Variants in MTUS2 observed in about 807,000 individuals in gnomAD.
MTUS2 encodes the protein microtubule associated scaffold protein 2.
Under a neutral mutation model 114.1 loss-of-function variants are expected in MTUS2, and 40 were observed. That is an observed-to-expected ratio of 0.35 (90% CI 0.27 to 0.46). MTUS2 has a LOEUF of 0.46. Among genes scored for constraint, MTUS2 ranks in the 20% least tolerant of loss-of-function variants. The pLI is 1.00. For synonymous variants in MTUS2, 688 were observed against 672.0 expected, an observed-to-expected ratio of 1.02 and a Z score of -0.37; for missense variants, 1,679 against 1,705.4, an observed-to-expected ratio of 0.98 and a Z score of 0.27.
chr13:29,305,576 A>G (rs111704234), intron 6 of MTUS2, among the ~76,000 whole-genome samples: 135,861 of 152,130 alleles, frequency 0.89, 61,207 homozygotes, highest in East Asian at 0.98. Flanking sequence ...ACCCTCCCAA[A>G]ACTGAACTAG....
chr13:29,039,487 C>T (rs984100253), intron 4 of MTUS2, among the ~76,000 whole-genome samples: 6 of 152,330 alleles, frequency 3.9e-5, no homozygotes, highest in African/African-American at 1.2e-4. Context: ...CGGGGGAGGG[C>T]AGCACCCAGA....
intron 5 of MTUS2, among the ~76,000 whole-genome samples, chr13:29,134,730 T>C (rs1891905552): frequency 6.6e-6 from 1 of 152,202 alleles, no homozygotes; most frequent in South Asian, 2.1e-4. Context: ...CCCGAGTAGC[T>C]GGGATTACAG....
At chr13:29,101,485 G>T (rs1235406378) in intron 5 of MTUS2, among the ~76,000 whole-genome samples, 1 of 152,198 alleles carries the variant, frequency 6.6e-6, no homozygotes, top group African/African-American at 2.4e-5. Context: ...ATCTCCATTA[G>T]CTGAGATGGT....
intron 5 of MTUS2, among the ~76,000 whole-genome samples, chr13:29,202,420 G>A (rs1482052913): frequency 7.2e-5 from 11 of 151,962 alleles, no homozygotes; most frequent in Non-Finnish European, 1.5e-5. Flanking sequence ...CTTTTTTCAA[G>A]GTTCTTAGCT....
intron 5 of MTUS2, among the ~76,000 whole-genome samples, chr13:29,220,170 G>C (rs1222482036): frequency 6.6e-6 from 1 of 151,140 alleles, no homozygotes; most frequent in Non-Finnish European, 1.5e-5. Flanking sequence ...TGACTTTTTT[G>C]TTTTTTTTTA....
At chr13:28,966,724 C>CA (rs10597818) in intron 2 of MTUS2, among the ~76,000 whole-genome samples, 16,535 of 82,224 alleles carry the variant, frequency 0.2, 2,078 homozygotes, top group Middle Eastern at 0.25. Context: ...GACCCTGTCT[C>CA]AAAAAAAAAA....
intron 4 of MTUS2, among the ~76,000 whole-genome samples, chr13:29,036,280 G>A (rs950801990): frequency 8.5e-5 from 13 of 152,124 alleles, no homozygotes; most frequent in Non-Finnish European, 1.6e-4. Context: ...AAGGGAGTGA[G>A]AGTCACCTAA....
intron 6 of MTUS2, among the ~76,000 whole-genome samples, chr13:29,311,764 CAA>C: frequency 6.6e-6 from 1 of 152,268 alleles, no homozygotes; most frequent in Admixed American, 6.5e-5. Context: ...ACTTCAATCA[CAA>C]AGTTTCCCAT....
intron 2 of MTUS2, among the ~76,000 whole-genome samples, chr13:28,945,559 T>A (rs1358316170): frequency 6.6e-6 from 1 of 152,210 alleles, no homozygotes; most frequent in Non-Finnish European, 1.5e-5. Flanking sequence ...GGTTTTAATT[T>A]GCATTTCTGA....
At chr13:29,021,645 T>C (rs1406042829) in intron 2 of MTUS2, among the ~76,000 whole-genome samples, 2 of 152,236 alleles carry the variant, frequency 1.3e-5, no homozygotes, top group African/African-American at 4.8e-5. Flanking sequence ...CCTATATTTA[T>C]GAACTTTCTT....
chr13:29,087,298 G>GT (rs1451992050), intron 4 of MTUS2, among the ~76,000 whole-genome samples: 1 of 152,152 alleles, frequency 6.6e-6, no homozygotes, highest in Non-Finnish European at 1.5e-5. Context: ...TTTGTTAGAG[G>GT]TTTTTAACAT....
intron 8 of MTUS2, among the ~76,000 whole-genome samples, chr13:29,392,608 A>T (rs932601476): frequency 1.3e-5 from 2 of 152,226 alleles, no homozygotes; most frequent in African/African-American, 4.8e-5. Flanking sequence ...GTATATTTAT[A>T]TGAGTTTTAA....
chr13:29,167,217 T>C (rs1893352596), intron 5 of MTUS2, among the ~76,000 whole-genome samples: 1 of 151,914 alleles, frequency 6.6e-6, no homozygotes, highest in South Asian at 2.1e-4. Flanking sequence ...TACTAAAAAA[T>C]ACAAAAAATT....
chr13:29,307,148 C>G (rs1485101071), intron 6 of MTUS2: 1 of 484,748 alleles, frequency 2.1e-6, no homozygotes, highest in East Asian at 4.6e-5. Flanking sequence ...CTTTCTGCCC[C>G]CTCTGCCAAC....
intron 2 of MTUS2, among the ~76,000 whole-genome samples, chr13:28,976,999 T>C (rs1456628771): frequency 1.3e-5 from 2 of 152,080 alleles, no homozygotes; most frequent in Non-Finnish European, 2.9e-5. Context: ...GATATACCCT[T>C]CCCCCCTTTG....
chr13:29,379,265 G>A (rs1352333396), intron 8 of MTUS2, among the ~76,000 whole-genome samples: 1 of 152,200 alleles, frequency 6.6e-6, no homozygotes, highest in Admixed American at 6.5e-5. Context: ...AGCCACAGTG[G>A]GAGAGTGGCA....
rs539089978 is a variant in MTUS2 at position 29,214,339 on chromosome 13, G to A, written c.2645-67365G>A. On this transcript the variant is annotated intron_variant, in intron 5 of 15. Transcript: ENST00000612955. ...TTGCCCCAGTCTCTGTCTTTTAATT[G>A]GGGCATTTAGCCAGTTTACATTTGC... 2.6e-5 allele frequency among the ~76,000 whole-genome samples: 4 copies of A among 152,124 alleles called. No individual in the cohort carries two copies. The East Asian group carries it at 7.7e-4, about 29-fold the overall frequency.
intron 12 of MTUS2, among the ~76,000 whole-genome samples, chr13:29,495,534 C>T (rs1882494460): frequency 6.6e-6 from 1 of 152,038 alleles, no homozygotes; most frequent in Admixed American, 6.6e-5. Context: ...CACAATATCA[C>T]TTCCTATTAT....
rs987093299 is a variant in MTUS2, at chr13:28,956,916, G to A, written c.-242-67541G>A. ...CGACAGAGGGAAGAAGGCTGCCCTC[G>A]AGATGGGCGATCTGGTGGGAAGGAA... On this transcript the variant is annotated intron_variant, in intron 2 of 15. Transcript: ENST00000612955. Among the ~76,000 whole-genome samples, 44 of 151,556 alleles carry A rather than the reference G, an allele frequency of 2.9e-4. 1 individual carries two copies. The highest frequency in any genetic ancestry group is 1.0e-3 in the African/African-American group (43 of 41,298).
Sources: gnomAD v4.1 joint callset for allele counts (sites outside exome capture counted in the v4.1 genomes callset) on GRCh38, gnomAD v4.1.1 for gene constraint, MANE v1.5 for transcripts, NCBI Gene and HGNC (gene_info 2026-07-23, HGNC 2026-07-21) for gene names.